SLC19A1: variants seen among roughly 807,000 people sequenced by gnomAD.
SLC19A1 encodes the protein solute carrier family 19 member 1, also known as reduced folate transporter.
A neutral mutation model predicts 35.3 loss-of-function variants in SLC19A1; 37 were observed. The observed-to-expected ratio is 1.05, with a 90% confidence interval of 0.81 to 1.38. The LOEUF (loss-of-function observed/expected upper bound fraction) is 1.38. Ranked by LOEUF, SLC19A1 falls within the 40% of genes most tolerant of loss-of-function variation. The pLI, the probability that SLC19A1 is intolerant of heterozygous loss-of-function variation, is 0.00. For synonymous variants in SLC19A1, 460 were observed against 398.5 expected (o/e 1.15, Z -1.84); for missense variants, 831 against 826.9 (o/e 1.00, Z -0.06).
chr21:45,510,120 G>A (rs1200450248), downstream of SLC19A1: 3 of 1,598,400 alleles, frequency 1.9e-6, no homozygotes, highest in Non-Finnish European at 2.6e-6. Context: ...GCATCCGCGG[G>A]GCCGACTTCC....
chr21:45,521,240 T>C (rs754126321), intron 5 of SLC19A1, among the ~76,000 whole-genome samples: 17 of 152,236 alleles, frequency 1.1e-4, no homozygotes, highest in Non-Finnish European at 2.1e-4. Context: ...TATTTTGCTA[T>C]GGCAGCCCAA....
intron 5 of SLC19A1, among the ~76,000 whole-genome samples, chr21:45,523,103 A>G (rs1316008024): frequency 6.6e-6 from 1 of 152,050 alleles, no homozygotes; most frequent in Non-Finnish European, 1.5e-5. Flanking sequence ...CTGTCCCCCC[A>G]TGCTCCATCA....
chr21:45,520,704 A>G (rs1490882378), intron 5 of SLC19A1, among the ~76,000 whole-genome samples: 1 of 152,186 alleles, frequency 6.6e-6, no homozygotes, highest in African/African-American at 2.4e-5. Context: ...TCTTACTCCA[A>G]CCTGACTGGA....
Position 45,540,942 on chromosome 21 carries a change from C to T in SLC19A1, c.-50+1426G>A, listed in dbSNP as rs1159761825. 6.6e-6 allele frequency among the ~76,000 whole-genome samples: 1 copy of T among 152,178 alleles called. No homozygotes were observed. The highest frequency in any genetic ancestry group is 2.4e-5 in the African/African-American group (1 of 41,440). The stretch of plus-strand genomic sequence containing the variant: ...CAAAACACAAGCAAACGCCACCTAT[C>T]ATTCCGTGTTTAAACCAGCTCCTAC... On this transcript the variant is annotated intron_variant, in intron 1 of 5. Coordinates refer to ENST00000311124, the MANE Select transcript of SLC19A1 (RefSeq NM_194255.4). This position sits in a 1 kb window ranked among gnomAD's most constrained non-coding sequence, Gnocchi z 5.5.
At chr21:45,508,670 C>G (rs1011216098), downstream of SLC19A1, among the ~76,000 whole-genome samples, 2 of 152,188 alleles carry the variant, frequency 1.3e-5, no homozygotes, top group African/African-American at 4.8e-5. Context: ...GGCTCCACAG[C>G]GGCCTGTCTC....
Position 45,531,720 on chromosome 21 carries a change from G to C in SLC19A1, c.618C>G (p.Pro206=). The change falls in exon 3 of 6, where the codon CCC becomes CCG. Residue 206 remains proline (P), a synonymous_variant. Transcript: ENST00000311124. The stretch of plus-strand genomic sequence containing the variant: ...CGCGGTTGAAGAAGAGGCTGCGCTT[G>C]GGGCGCTTCAGGAAGAGGGCGAGGA... The part of the protein sequence containing the change: ...SVVLALFLKR[P]KRSLFFNRDD... 1 of 1,612,796 alleles carries C rather than the reference G, an allele frequency of 6.2e-7. No individual in the cohort carries two copies. Among genetic ancestry groups the C allele is most frequent in the Non-Finnish European group, 8.5e-7 (1 of 1,179,680 alleles).
intron 3 of SLC19A1, chr21:45,507,459 GAGGGCC>G: frequency 2.8e-6 from 1 of 356,632 alleles, no homozygotes; most frequent in Middle Eastern, 1.1e-3. Context: ...TGTGGGCTGG[GAGGGCC>G]AGGTGCTGGG....
rs529950670 is a variant in SLC19A1, at chr21:45,517,082, C to T, written c.1294-942G>A. 2.0e-5 allele frequency among the ~76,000 whole-genome samples: 3 copies of T among 152,242 alleles called. No individual in the cohort carries two copies. Among genetic ancestry groups the T allele is most frequent in the Admixed American group, 6.5e-5 (1 of 15,300 alleles). On this transcript the variant is annotated intron_variant, in intron 5 of 5. Coordinates refer to ENST00000311124, the MANE Select transcript of SLC19A1 (RefSeq NM_194255.4). This position sits in a 1 kb window ranked among gnomAD's most constrained non-coding sequence, Gnocchi z 4.4. Reference sequence around the variant, plus strand: ...CTGTGCCACACAAGGGCAGACTGGCCGGGCCCTCGGGGTCTGGGGAGCTGT... The same window carrying T: ...CTGTGCCACACAAGGGCAGACTGGCTGGGCCCTCGGGGTCTGGGGAGCTGT...
chr21:45,514,841 C>CA lies in SLC19A1; in HGVS notation c.*816dup, dbSNP rs2037805542. The CA allele has an allele frequency of 1.6e-6, 1 of 627,192 alleles. No individual in the cohort carries two copies. The highest frequency in any genetic ancestry group is 1.9e-5 in the African/African-American group (1 of 52,226). 38.9% of individuals were successfully genotyped at this position (627,192 alleles called of 1,614,324 possible). ...CGCTGGGACGTACTTCCCCAGCGCC[C>CA]ACCACAAAGGCAGCCCCCCCAAGGC... On this transcript the variant is annotated 3_prime_UTR_variant, in exon 6 of 6. Coordinates refer to ENST00000311124, the MANE Select transcript of SLC19A1 (RefSeq NM_194255.4).
intron 1 of SLC19A1, among the ~76,000 whole-genome samples, chr21:45,560,085 G>T (rs1022292152): frequency 1.1e-4 from 16 of 152,254 alleles, no homozygotes; most frequent in African/African-American, 3.4e-4. Flanking sequence ...CGTGCCAGGT[G>T]TGGCTAGAAC....
chr21:45,560,995 C>A (rs1397932490), intron 1 of SLC19A1, among the ~76,000 whole-genome samples: 9 of 152,244 alleles, frequency 5.9e-5, no homozygotes, highest in African/African-American at 2.2e-4. Context: ...AGAAACGAAG[C>A]TGCTTCCCAG....
intron 3 of SLC19A1, chr21:45,505,057 C>T: frequency 1.3e-6 from 2 of 1,552,146 alleles, no homozygotes; most frequent in South Asian, 1.2e-5. Flanking sequence ...GTCTTGGCAG[C>T]TGCAGCCCCA....
chr21:45,523,253 C>T (rs1337459818), intron 5 of SLC19A1, among the ~76,000 whole-genome samples: 1 of 152,198 alleles, frequency 6.6e-6, no homozygotes, highest in Non-Finnish European at 1.5e-5. Context: ...CGCACCACCT[C>T]CTCTAGACCC....
rs2037178205 is a variant in SLC19A1 at position 45,505,951 on chromosome 21, G to A, written c.498-7339C>T. The A allele has an allele frequency of 3.7e-6, 6 of 1,613,242 alleles. No individual in the cohort carries two copies. The highest frequency in any genetic ancestry group is 1.3e-5 in the African/African-American group (1 of 75,064). ...AGCTCTACGTCCGCGTGCAGAACGG[G>A]TTCCGGAAGGTCCAGGTGAGCGCTC... On this transcript the variant is annotated intron_variant, in intron 3 of 4. Coordinates refer to the SLC19A1 transcript ENST00000417954.
At chr21:45,505,840 G>A in intron 3 of SLC19A1, 3 of 1,604,496 alleles carry the variant, frequency 1.9e-6, no homozygotes, top group Non-Finnish European at 1.7e-6. Context: ...CCCAGCAGGT[G>A]AGGCTCTGGG....
intron 1 of SLC19A1, among the ~76,000 whole-genome samples, chr21:45,553,406 G>A (rs572132373): frequency 2.0e-5 from 3 of 151,668 alleles, no homozygotes; most frequent in East Asian, 2.0e-4. Context: ...GAGGCAGCCC[G>A]GCCCATCACA....
downstream of SLC19A1, chr21:45,509,325 C>G: frequency 6.5e-7 from 1 of 1,539,298 alleles, no homozygotes; most frequent in African/African-American, 1.4e-5. Flanking sequence ...AGGGTCCCCC[C>G]GCCGACAGGC....
chr21:45,547,133 C>T (rs2078423264), upstream of SLC19A1, among the ~76,000 whole-genome samples: 1 of 152,066 alleles, frequency 6.6e-6, no homozygotes, highest in South Asian at 2.1e-4. Context: ...ATTTACAACG[C>T]CAATGAAAAT....
intron 3 of SLC19A1, chr21:45,506,305 G>GCAGCC (rs558586163): frequency 2.7e-6 from 1 of 372,948 alleles, no homozygotes; most frequent in African/African-American, 2.1e-5. Flanking sequence ...CGGCAGGGGG[G>GCAGCC]CTCAGGCCCT....
Sources: allele counts gnomAD v4.1 joint callset (sites outside exome capture counted in the v4.1 genomes callset), GRCh38; gene constraint gnomAD v4.1.1; non-coding constraint Gnocchi (gnomAD v3.1); transcripts MANE v1.5; gene names NCBI Gene and HGNC (gene_info 2026-07-23, HGNC 2026-07-21).